Variants in CTBP2 observed in about 807,000 individuals in gnomAD.
CTBP2 encodes C-terminal binding protein 2, also known as C-terminal-binding protein 2.
In CTBP2, 30 loss-of-function variants were observed where a neutral mutation model predicts 80.3. That is an observed-to-expected ratio of 0.37 (90% CI 0.28 to 0.51). CTBP2 has a LOEUF of 0.51. CTBP2 is among the 20% of genes least tolerant of loss of function. The pLI is 0.93. For synonymous variants in CTBP2, 594 were observed against 587.4 expected, an observed-to-expected ratio of 1.01 and a Z score of -0.16; for missense variants, 1,212 against 1,375.3, an observed-to-expected ratio of 0.88 and a Z score of 1.88.
At chr10:125,144,548 C>T (rs1271312805) in intron 1 of CTBP2, among the ~76,000 whole-genome samples, 1 of 152,184 alleles carries the variant, frequency 6.6e-6, no homozygotes, top group Non-Finnish European at 1.5e-5. Context: ...AAGGATTTGC[C>T]ACAAAACGAG....
chr10:125,135,554 C>A (rs1190075032), intron 1 of CTBP2, among the ~76,000 whole-genome samples: 1 of 152,208 alleles, frequency 6.6e-6, no homozygotes, highest in East Asian at 1.9e-4. Flanking sequence ...CTTTCTCCTT[C>A]CAGCTACACA....
At chr10:125,087,072 TTTC>T (rs1221167968) in intron 2 of CTBP2, among the ~76,000 whole-genome samples, 4 of 137,798 alleles carry the variant, frequency 2.9e-5, no homozygotes, top group East Asian at 4.2e-4. Flanking sequence ...GGGCAATTTC[TTTC>T]TTTTTTTTTT....
At chr10:125,151,343 C>G (rs1859831487) in intron 1 of CTBP2, among the ~76,000 whole-genome samples, 1 of 152,144 alleles carries the variant, frequency 6.6e-6, no homozygotes, top group African/African-American at 2.4e-5. Context: ...CAGCAGAGAA[C>G]GCAGCAGAGG....
chr10:125,016,597 T>C (rs1956518220), intron 1 of CTBP2, among the ~76,000 whole-genome samples: 1 of 152,244 alleles, frequency 6.6e-6, no homozygotes, highest in African/African-American at 2.4e-5. Context: ...AGCCTCATGC[T>C]TGCAGCACAC....
At chr10:124,994,014 G>C in intron 5 of CTBP2, 29 bp from the exon 8 acceptor site, 1 of 1,613,038 alleles carries the variant, frequency 6.2e-7, no homozygotes, top group Non-Finnish European at 8.5e-7. Context: ...GCCGGTTACA[G>C]GCACACTGGC....
At chr10:125,153,240 A>G (rs1292366527) in intron 1 of CTBP2, among the ~76,000 whole-genome samples, 1 of 152,174 alleles carries the variant, frequency 6.6e-6, no homozygotes, top group Non-Finnish European at 1.5e-5. Context: ...TGGCTTTAAG[A>G]GCTCTCTCGG....
At chr10:125,094,123 T>G (rs1849191782) in intron 2 of CTBP2, among the ~76,000 whole-genome samples, 1 of 152,084 alleles carries the variant, frequency 6.6e-6, no homozygotes. Flanking sequence ...TGGTTTCAAT[T>G]AAAAGTTAAA....
intron 1 of CTBP2, among the ~76,000 whole-genome samples, chr10:125,113,121 C>T (rs1470208075): frequency 6.6e-5 from 10 of 152,230 alleles, no homozygotes; most frequent in African/African-American, 2.2e-4. Flanking sequence ...CTGTAACCCA[C>T]ACCTCTTAAG....
chr10:125,101,587 G>C (rs1243489810), intron 2 of CTBP2, among the ~76,000 whole-genome samples: 1 of 152,198 alleles, frequency 6.6e-6, no homozygotes, highest in Non-Finnish European at 1.5e-5. Context: ...AGGTCGATGG[G>C]CAAGGAGTGA....
chr10:125,105,128 G>T (rs150786869), intron 2 of CTBP2, among the ~76,000 whole-genome samples: 10 of 152,182 alleles, frequency 6.6e-5, no homozygotes, highest in African/African-American at 2.4e-4. Flanking sequence ...GGCATAGGCA[G>T]GCGCCGCCAC....
chr10:125,057,104 C>T (rs1320739980), intron 2 of CTBP2, among the ~76,000 whole-genome samples: 3 of 152,188 alleles, frequency 2.0e-5, no homozygotes, highest in Non-Finnish European at 4.4e-5. Context: ...GACAGCAAGG[C>T]CAGAAGGCAG....
chr10:125,143,549 A>G (rs1215230110), intron 1 of CTBP2, among the ~76,000 whole-genome samples: 1 of 152,182 alleles, frequency 6.6e-6, no homozygotes, highest in Non-Finnish European at 1.5e-5. Context: ...CCTATGTCTA[A>G]AATATTGTAT....
chr10:125,070,000 G>A (rs2135439753), intron 2 of CTBP2, among the ~76,000 whole-genome samples: 1 of 151,886 alleles, frequency 6.6e-6, no homozygotes, highest in Non-Finnish European at 1.5e-5. Context: ...GCCTAGCTGG[G>A]CCAATCACTT....
chr10:125,045,526 T>C (rs972156762), intron 2 of CTBP2, among the ~76,000 whole-genome samples: 18 of 152,020 alleles, frequency 1.2e-4, no homozygotes, highest in Non-Finnish European at 2.6e-4. Flanking sequence ...CCTTTCTTTC[T>C]TTTTTGGAGA....
At chr10:125,122,555 C>T (rs1440085871) in intron 1 of CTBP2, 1 of 152,208 alleles carries the variant, frequency 6.6e-6, no homozygotes, top group African/African-American at 2.4e-5. Context: ...AGCATGAGCG[C>T]CAAGAAAGAA....
chr10:125,048,735 G>C (rs1197155245), intron 2 of CTBP2, among the ~76,000 whole-genome samples: 1 of 152,176 alleles, frequency 6.6e-6, no homozygotes, highest in Non-Finnish European at 1.5e-5. Context: ...ACTTGGCAGA[G>C]ACGGAACACA....
At chr10:125,151,133 G>A (rs775053027) in intron 1 of CTBP2, among the ~76,000 whole-genome samples, 2 of 152,166 alleles carry the variant, frequency 1.3e-5, no homozygotes, top group African/African-American at 2.4e-5. Context: ...AACAGGTAGA[G>A]CGCACTTGAA....
chr10:125,078,215 G>A (rs1449264171), intron 2 of CTBP2, among the ~76,000 whole-genome samples: 8 of 149,462 alleles, frequency 5.4e-5, no homozygotes. Flanking sequence ...GGCAGGCGGA[G>A]CTTGTAGTGA....
intron 2 of CTBP2, among the ~76,000 whole-genome samples, chr10:125,046,963 C>T (rs547584802): frequency 6.6e-6 from 1 of 152,260 alleles, no homozygotes; most frequent in Admixed American, 6.5e-5. Flanking sequence ...AAGACTTGAG[C>T]AGAAAGAATT....
Sources: gnomAD v4.1 joint callset for allele counts (sites outside exome capture counted in the v4.1 genomes callset) on GRCh38, gnomAD v4.1.1 for gene constraint, MANE v1.5 for transcripts, NCBI Gene and HGNC (gene_info 2026-07-23, HGNC 2026-07-21) for gene names.